The following ANKS1B variants were observed in gnomAD, a reference collection of about 807,000 sequenced individuals.
ANKS1B encodes the protein ankyrin repeat and sterile alpha motif domain containing 1B, also known as ankyrin repeat and sterile alpha motif domain-containing protein 1B.
ANKS1B carries 36 observed loss-of-function variants against 148.3 expected under a neutral mutation model. The observed-to-expected ratio is 0.24, with a 90% CI of 0.19 to 0.32. ANKS1B has a LOEUF of 0.32. Among genes scored for constraint, ANKS1B ranks in the 10% least tolerant of loss-of-function variants. ANKS1B has a pLI of 1.00. For synonymous variants in ANKS1B, 542 were observed against 560.8 expected (o/e 0.97, Z 0.47); for missense variants, 1,157 against 1,542.6 (o/e 0.75, Z 4.19).
intron 8 of ANKS1B, among the ~76,000 whole-genome samples, chr12:99,673,744 A>G (rs2098549064): frequency 6.6e-6 from 1 of 151,894 alleles, no homozygotes; most frequent in Non-Finnish European, 1.5e-5. Context: ...CATGTCATAT[A>G]AAGTATAATT....
chr12:99,529,427 C>T (rs185726296), intron 9 of ANKS1B, among the ~76,000 whole-genome samples: 1 of 152,092 alleles, frequency 6.6e-6, no homozygotes, highest in South Asian at 2.1e-4. Context: ...CTGAGATGGG[C>T]CGATCAGCTG....
intron 9 of ANKS1B, among the ~76,000 whole-genome samples, chr12:99,520,736 C>T (rs778829580): frequency 1.3e-5 from 2 of 151,942 alleles, no homozygotes; most frequent in South Asian, 2.1e-4. Flanking sequence ...CCTGTAGTTG[C>T]GCTTTATTGT....
At chr12:99,333,560 G>C (rs1034216213) in intron 12 of ANKS1B, among the ~76,000 whole-genome samples, 1 of 151,938 alleles carries the variant, frequency 6.6e-6, no homozygotes, top group Admixed American at 6.6e-5. Flanking sequence ...TGTTGATTTA[G>C]TTTGCAGGTC....
At chr12:98,807,618 C>T (rs548129512) in intron 20 of ANKS1B, among the ~76,000 whole-genome samples, 2 of 152,218 alleles carry the variant, frequency 1.3e-5, no homozygotes, top group South Asian at 4.2e-4. Flanking sequence ...ATATTTTAAC[C>T]ATACACTTTA....
chr12:98,781,874 A>T (rs1025863842), intron 23 of ANKS1B, among the ~76,000 whole-genome samples: 1 of 152,198 alleles, frequency 6.6e-6, no homozygotes, highest in African/African-American at 2.4e-5. Context: ...CAGCCCAGGT[A>T]ACCTACTTTA....
intron 8 of ANKS1B, among the ~76,000 whole-genome samples, chr12:99,708,208 G>A (rs957113728): frequency 1.3e-5 from 2 of 152,144 alleles, no homozygotes; most frequent in South Asian, 4.1e-4. Flanking sequence ...ATGACAAGGG[G>A]TTGGAAATGA....
At chr12:99,056,756 T>C (rs1014473738) in intron 16 of ANKS1B, among the ~76,000 whole-genome samples, 4 of 152,228 alleles carry the variant, frequency 2.6e-5, no homozygotes, top group Admixed American at 1.3e-4. Context: ...GTCAATATCT[T>C]TGCTAATATA....
At chr12:98,878,836 G>A (rs1324317954) in intron 17 of ANKS1B, among the ~76,000 whole-genome samples, 1 of 152,186 alleles carries the variant, frequency 6.6e-6, no homozygotes, top group African/African-American at 2.4e-5. Context: ...GTTCATATCA[G>A]GGAGCAATTT....
intron 14 of ANKS1B, among the ~76,000 whole-genome samples, chr12:99,177,566 G>A (rs1413803946): frequency 2.0e-5 from 3 of 152,164 alleles, no homozygotes; most frequent in Non-Finnish European, 4.4e-5. Context: ...AAACAGCAGG[G>A]ACACAAGCTT....
At chr12:99,098,431 G>A (rs1459596417) in intron 15 of ANKS1B, among the ~76,000 whole-genome samples, 4 of 152,012 alleles carry the variant, frequency 2.6e-5, no homozygotes, top group East Asian at 3.8e-4. Flanking sequence ...AGTGCTCCTG[G>A]GTTCACCTTA....
intron 1 of ANKS1B, among the ~76,000 whole-genome samples, chr12:99,841,991 C>G (rs1465954469): frequency 1.3e-5 from 2 of 152,004 alleles, no homozygotes; most frequent in Non-Finnish European, 2.9e-5. Flanking sequence ...TAATTAACTA[C>G]TCTCTGTTCT....
intron 16 of ANKS1B, among the ~76,000 whole-genome samples, chr12:99,078,741 A>T (rs4762219): frequency 1.4e-5 from 2 of 147,088 alleles, no homozygotes; most frequent in Non-Finnish European, 3.0e-5. Context: ...TCTAAGATGT[A>T]CCCCACCCTG....
intron 17 of ANKS1B, among the ~76,000 whole-genome samples, chr12:98,889,970 C>T (rs971505880): frequency 4.0e-5 from 6 of 151,880 alleles, no homozygotes; most frequent in Admixed American, 6.6e-5. Flanking sequence ...TTAAAGAGGA[C>T]GTGTGATTGG....
chr12:98,961,026 C>T (rs1415108509), intron 17 of ANKS1B, among the ~76,000 whole-genome samples: 1 of 152,084 alleles, frequency 6.6e-6, no homozygotes, highest in Non-Finnish European at 1.5e-5. Flanking sequence ...AAAATATCCT[C>T]AAAAGGGCAA....
rs139848785 is a variant in ANKS1B at position 99,405,961 on chromosome 12, A to G, written c.1576-6150T>C. Among the ~76,000 whole-genome samples the G allele has an allele frequency of 4.9e-4, 71 of 146,004 alleles. 3 individuals are homozygous for G. In the East Asian group the frequency reaches 0.012, roughly 24 times the overall value. ...ACAAAAAATCATTACATAATGATAA[A>G]GGGTGAAAATCAAGAAGATGATATC... is the stretch of plus-strand genomic sequence containing the variant. On this transcript the variant is annotated intron_variant, in intron 11 of 26. Transcript: ENST00000683438.
Position 99,399,611 on chromosome 12 carries a change from C to G in ANKS1B, c.1756+20G>C. ...CAGTCTTAAAATAAAAATACAGCTGCATAAAGTGAACTGCTTTACCTGTAT... is the reference window on the plus strand; with the variant it reads ...CAGTCTTAAAATAAAAATACAGCTGGATAAAGTGAACTGCTTTACCTGTAT... On this transcript the variant is annotated intron_variant, in intron 12 of 26. Transcript: ENST00000683438. The G allele has an allele frequency of 6.2e-7, 1 of 1,608,236 alleles. No individual in the cohort carries two copies. The highest frequency in any genetic ancestry group is 8.5e-7 in the Non-Finnish European group (1 of 1,176,786).
intron 12 of ANKS1B, among the ~76,000 whole-genome samples, chr12:99,358,631 T>C (rs1196614712): frequency 6.6e-6 from 1 of 152,064 alleles, no homozygotes; most frequent in East Asian, 1.9e-4. Flanking sequence ...CACATTCTAG[T>C]ATCTTGCCGG....
chr12:99,363,680 C>T lies in ANKS1B; in HGVS notation c.1756+35951G>A, dbSNP rs553761722. Among the ~76,000 whole-genome samples, 4 of 152,120 alleles carry T rather than the reference C, an allele frequency of 2.6e-5. 1 individual carries two copies. The highest frequency in any genetic ancestry group is 9.6e-5 in the African/African-American group (4 of 41,510). On this transcript the variant is annotated intron_variant, in intron 12 of 26. Coordinates refer to ENST00000683438, the MANE Select transcript of ANKS1B (RefSeq NM_001352186.2). ...GGACCTCTAAAATTATATAAGCTTCCGACCTCCAAAAACCTGACTATGCCT... is the reference window on the plus strand; with the variant it reads ...GGACCTCTAAAATTATATAAGCTTCTGACCTCCAAAAACCTGACTATGCCT...
chr12:99,240,871 C>G (rs963959867), intron 14 of ANKS1B, among the ~76,000 whole-genome samples: 11 of 152,140 alleles, frequency 7.2e-5, no homozygotes, highest in Non-Finnish European at 2.9e-5. Flanking sequence ...CACATTGTAC[C>G]AGAATCTCTG....
Sources: allele counts gnomAD v4.1 joint callset (sites outside exome capture counted in the v4.1 genomes callset), GRCh38; gene constraint gnomAD v4.1.1; transcripts MANE v1.5; gene names NCBI Gene and HGNC (gene_info 2026-07-23, HGNC 2026-07-21).